SRP68: variants seen among roughly 807,000 people sequenced by gnomAD.
SRP68 encodes the protein signal recognition particle 68, also known as signal recognition particle subunit SRP68.
A neutral mutation model predicts 82.2 loss-of-function variants in SRP68; 15 were observed. The observed-to-expected ratio is 0.18, with a 90% CI of 0.12 to 0.28. The LOEUF (loss-of-function observed/expected upper bound fraction) is 0.28, where lower values mean the gene tolerates loss of function less well. Ranked by LOEUF, SRP68 falls within the 10% of genes least tolerant of loss-of-function variation. SRP68 has a pLI of 1.00. For missense variants in SRP68, 595 were observed against 780.5 expected (o/e 0.76, Z 2.83); for synonymous variants, 261 against 292.6 (o/e 0.89, Z 1.10).
chr17:76,055,107 C>T (rs1266298279), intron 8 of SRP68, among the ~76,000 whole-genome samples: 1 of 151,604 alleles, frequency 6.6e-6, no homozygotes, highest in Admixed American at 6.6e-5. Context: ...CAGACGTCTA[C>T]CACCACACCC....
intron 8 of SRP68, among the ~76,000 whole-genome samples, chr17:76,054,111 G>C (rs2066695475): frequency 6.6e-6 from 1 of 152,206 alleles, no homozygotes; most frequent in African/African-American, 2.4e-5. Context: ...TCCTAGGTCA[G>C]CTTTTACAAA....
intron 15 of SRP68, 135 bp from the exon 16 acceptor site, chr17:76,040,068 T>TA: frequency 1.2e-6 from 1 of 849,630 alleles, no homozygotes; most frequent in Non-Finnish European, 1.8e-6. Context: ...GACAGCCTCC[T>TA]ACGAGGAGGG....
At chr17:76,040,873 G>A (rs755602784) in intron 14 of SRP68, 30 bp downstream of exon 14, 1 of 1,607,256 alleles carries the variant, frequency 6.2e-7, no homozygotes, top group South Asian at 1.1e-5. Flanking sequence ...AGGGAAGTCT[G>A]GGGATACAAA....
At chr17:76,042,782 G>A (rs528432071) in intron 13 of SRP68, among the ~76,000 whole-genome samples, 3 of 151,890 alleles carry the variant, frequency 2.0e-5, no homozygotes, top group Admixed American at 6.6e-5. Context: ...ACAGAGTTTC[G>A]CCATGTTGCC....
intron 14 of SRP68, 99 bp downstream of exon 14, chr17:76,040,804 C>A (rs1598255897): frequency 8.7e-7 from 1 of 1,153,570 alleles, no homozygotes; most frequent in African/African-American, 1.5e-5. Flanking sequence ...TGAACCAAGA[C>A]AACCCTTTCA....
intron 8 of SRP68, among the ~76,000 whole-genome samples, chr17:76,052,529 G>A (rs1249852198): frequency 1.3e-5 from 2 of 152,178 alleles, no homozygotes; most frequent in African/African-American, 4.8e-5. Flanking sequence ...GATGGGCTGG[G>A]CGCGGTGGCT....
At chr17:76,062,936 A>G (rs1266304138) in intron 4 of SRP68, among the ~76,000 whole-genome samples, 2 of 148,174 alleles carry the variant, frequency 1.3e-5, no homozygotes, top group Non-Finnish European at 3.0e-5. Flanking sequence ...ACGCCCAGCT[A>G]ATTTTTTGTA....
chr17:76,056,885 G>T (rs1251316156), intron 8 of SRP68, among the ~76,000 whole-genome samples: 1 of 152,178 alleles, frequency 6.6e-6, no homozygotes, highest in East Asian at 1.9e-4. Context: ...GGACGCATTT[G>T]GTTGTTTGTA....
In SRP68 at chr17:76,040,931, C is replaced by T. The variant is rs771525588; in HGVS notation, c.1572G>A (p.Lys524=). ...GGATGGCTGCGGCCTGCAGGGAGCA[C>T]TTCTCTGACCGCACTTGAGTGATGA... ...QELITQVRSE[K]CSLQAAAILD... is the part of the protein sequence containing the mutation. Residue 524 remains lysine, a synonymous_variant, in exon 14 of 16, where the codon AAG becomes AAA. Transcript: ENST00000307877. The T allele has an allele frequency of 1.2e-5, 19 of 1,613,926 alleles. No homozygotes were observed. Among genetic ancestry groups the T allele is most frequent in the Non-Finnish European group, 1.5e-5 (18 of 1,179,994 alleles).
chr17:76,065,551 T>C (rs2066800301), intron 3 of SRP68, among the ~76,000 whole-genome samples: 1 of 152,098 alleles, frequency 6.6e-6, no homozygotes, highest in Admixed American at 6.6e-5. Flanking sequence ...TCTAGCTTTC[T>C]GACTGTACAC....
intron 13 of SRP68, among the ~76,000 whole-genome samples, chr17:76,042,620 T>G (rs2144481783): frequency 6.6e-6 from 1 of 152,102 alleles, no homozygotes; most frequent in South Asian, 2.1e-4. Context: ...AGTCTTGCTC[T>G]GTCACTCAGG....
intron 8 of SRP68, among the ~76,000 whole-genome samples, chr17:76,055,684 G>A (rs923443803): frequency 1.3e-5 from 2 of 151,616 alleles, no homozygotes; most frequent in African/African-American, 2.4e-5. Context: ...AACCTGGGAG[G>A]TGGAGCTTGC....
At chr17:76,065,284 T>C (rs2066798138) in intron 3 of SRP68, among the ~76,000 whole-genome samples, 1 of 151,504 alleles carries the variant, frequency 6.6e-6, no homozygotes, top group Admixed American at 6.6e-5. Context: ...ATCCCATCTT[T>C]ACAAAAGAAA....
At chr17:76,050,736 C>CTTTTTTTTTTTTTTTTTTTTT in intron 8 of SRP68, among the ~76,000 whole-genome samples, 1 of 148,686 alleles carries the variant, frequency 6.7e-6, no homozygotes, top group Non-Finnish European at 1.5e-5. Context: ...AAGGGGAGTT[C>CTTTTTTTTTTTTTTTTTTTTT]TATTTTTAAA....
intron 3 of SRP68, among the ~76,000 whole-genome samples, chr17:76,065,702 A>G (rs184487554): frequency 6.2e-4 from 95 of 152,258 alleles, no homozygotes; most frequent in Non-Finnish European, 1.2e-3. Context: ...AAATCCTTCA[A>G]GGTCAAGCCT....
chr17:76,061,000 G>C, intron 6 of SRP68, 110 bp downstream of exon 6: 1 of 740,974 alleles, frequency 1.3e-6, no homozygotes, highest in South Asian at 1.7e-5. Flanking sequence ...AATGATGGAG[G>C]CAAGCGAAGA....
At chr17:76,045,220 G>T in intron 12 of SRP68, 72 bp downstream of exon 12, 1 of 1,194,274 alleles carries the variant, frequency 8.4e-7, no homozygotes, top group Non-Finnish European at 1.2e-6. Flanking sequence ...ATCTGCTGTG[G>T]GCTGGGTCAT....
At chr17:76,070,285 G>C in intron 2 of SRP68, 93 bp downstream of exon 2, 1 of 931,932 alleles carries the variant, frequency 1.1e-6, no homozygotes, top group Non-Finnish European at 1.7e-6. Flanking sequence ...AGACTTTCTA[G>C]CATATTTGCT....
intron 1 of SRP68, 114 bp from the exon 2 acceptor site, chr17:76,070,558 T>C (rs1227167982): frequency 6.4e-6 from 6 of 930,354 alleles, no homozygotes; most frequent in South Asian, 1.4e-5. Flanking sequence ...TTGTGAAATA[T>C]AGCCAGGTAC....
Sources: gnomAD v4.1 joint callset for allele counts (sites outside exome capture counted in the v4.1 genomes callset) on GRCh38, gnomAD v4.1.1 for gene constraint, MANE v1.5 for transcripts, NCBI Gene and HGNC (gene_info 2026-07-23, HGNC 2026-07-21) for gene names.